The following ABCG5 variants were observed in gnomAD, a reference collection of about 807,000 sequenced individuals.
ABCG5 encodes ATP binding cassette subfamily G member 5.
In ABCG5, 64 loss-of-function variants were observed where a neutral mutation model predicts 64.5. That is an observed-to-expected ratio of 0.99 (90% CI 0.81 to 1.22). ABCG5 has a LOEUF of 1.22. Ranked by LOEUF, ABCG5 falls within the 50% of genes most tolerant of loss-of-function variation. The pLI, the probability that ABCG5 is intolerant of heterozygous loss-of-function variation, is 0.00. For synonymous variants in ABCG5, 385 were observed against 326.3 expected (o/e 1.18, Z -1.94); for missense variants, 908 against 829.5 (o/e 1.09, Z -1.16).
intron 10 of ABCG5, among the ~76,000 whole-genome samples, chr2:43,821,631 C>G (rs1667209657): frequency 6.6e-6 from 1 of 152,130 alleles, no homozygotes; most frequent in African/African-American, 2.4e-5. Context: ...TGGACAATGC[C>G]TATTGCCGCA....
At chr2:43,823,864 G>T in intron 9 of ABCG5, 49 bp downstream of exon 9, 1 of 1,591,680 alleles carries the variant, frequency 6.3e-7, no homozygotes, top group Non-Finnish European at 8.6e-7. Context: ...GCTGGAGAAG[G>T]GAGGTATTTA....
intron 11 of ABCG5, among the ~76,000 whole-genome samples, chr2:43,817,367 C>G (rs931427561): frequency 6.6e-6 from 1 of 152,060 alleles, no homozygotes; most frequent in Admixed American, 6.5e-5. Flanking sequence ...CACCTGTAAT[C>G]CCAGCTATTC....
chr2:43,814,662 A>G (rs1016351090), intron 11 of ABCG5, 73 bp from the exon 12 acceptor site: 4 of 867,902 alleles, frequency 4.6e-6, no homozygotes, highest in Non-Finnish European at 7.5e-6. Flanking sequence ...AAGAAAGGCA[A>G]TCCTTATATT....
intron 11 of ABCG5, among the ~76,000 whole-genome samples, chr2:43,816,764 C>T (rs1428479052): frequency 6.6e-6 from 1 of 152,184 alleles, no homozygotes; most frequent in Non-Finnish European, 1.5e-5. Context: ...ATATCTTATA[C>T]AACAGGATGA....
intron 12 of ABCG5, among the ~76,000 whole-genome samples, 199 bp downstream of exon 12, chr2:43,814,278 C>T (rs1312639580): frequency 2.6e-5 from 4 of 152,118 alleles, no homozygotes; most frequent in African/African-American, 7.2e-5. Flanking sequence ...ACCTGTTGAC[C>T]TTTGACAGGA....
At position 43,828,020 on chromosome 2, in the gene ABCG5, G is replaced by A; in HGVS notation, c.597C>T (p.Arg199=). 6.2e-7 allele frequency: 1 copy of A among 1,614,126 alleles called. No homozygotes were observed. The highest frequency in any genetic ancestry group is 8.5e-7 in the Non-Finnish European group (1 of 1,180,030). ...SLGGISTGER[R]RVSIAAQLLQ... The stretch of plus-strand genomic sequence containing the variant: ...GCAGCTGGGCTGCGATGGAGACCCG[G>A]CGCCGCTCACCCGTGGAAATGCCCC... Residue 199 remains arginine (R), a synonymous_variant, in exon 5 of 13, where the codon CGC becomes CGT. Coordinates refer to ENST00000405322, the MANE Select transcript of ABCG5 (RefSeq NM_022436.3).
chr2:43,831,150 A>G (rs769000980), intron 4 of ABCG5, among the ~76,000 whole-genome samples: 1 of 152,208 alleles, frequency 6.6e-6, no homozygotes, highest in Non-Finnish European at 1.5e-5. Context: ...TTCAACCTGT[A>G]ATCAATACTT....
downstream of ABCG5, among the ~76,000 whole-genome samples, chr2:43,808,997 A>G (rs957985875): frequency 6.8e-6 from 1 of 146,420 alleles, no homozygotes; most frequent in African/African-American, 2.6e-5. Flanking sequence ...ACACACACAC[A>G]CACTTTTTTG....
At chr2:43,823,769 G>C (rs1394529504) in intron 9 of ABCG5, 144 bp downstream of exon 9, 8 of 869,598 alleles carry the variant, frequency 9.2e-6, no homozygotes, top group Non-Finnish European at 1.4e-5. Context: ...CTCAATAGTT[G>C]CCTTTCCCCA....
Position 43,838,105 on chromosome 2 carries a change from G to T in ABCG5, c.144-150C>A. ...TTCAGTCTCTGCGCCCTCCTCTGTA[G>T]AACCTGGCAGATAGCGACTGAGGCT... On this transcript the variant is annotated intron_variant, in intron 1 of 12. Transcript: ENST00000405322. The surrounding 1 kb of genome is among the most constrained non-coding windows in gnomAD (Gnocchi z 4.2). The T allele has an allele frequency of 9.6e-7, 1 of 1,041,590 alleles. No individual in the cohort carries two copies. The allele number at this position is 1,041,590 out of a possible 1,614,324, so 64.5% of individuals were successfully genotyped here.
chr2:43,823,281 A>G (rs963326342), intron 9 of ABCG5, among the ~76,000 whole-genome samples: 30 of 85,856 alleles, frequency 3.5e-4, no homozygotes, highest in Admixed American at 1.3e-3. Context: ...CCCCCACCCC[A>G]CCCCGCCCCC....
At chr2:43,820,372 G>C (rs1030550126) in intron 10 of ABCG5, among the ~76,000 whole-genome samples, 1 of 152,054 alleles carries the variant, frequency 6.6e-6, no homozygotes, top group African/African-American at 2.4e-5. Flanking sequence ...AAATTACTTA[G>C]ACAATGGTCA....
At position 43,820,078 on chromosome 2, in the gene ABCG5, C is replaced by G; in HGVS notation, c.1486G>C (p.Val496Leu). The G allele has an allele frequency of 1.2e-6, 2 of 1,614,074 alleles. No homozygotes were observed. Among genetic ancestry groups the G allele is most frequent in the South Asian group, 2.2e-5 (2 of 91,074 alleles). The change falls in exon 11 of 13, where the codon GTT (valine) becomes CTT (leucine). Residue 496 changes from valine to leucine, a missense_variant. By Grantham distance (32) the Val-to-Leu change is conservative. Coordinates refer to ENST00000405322, the MANE Select transcript of ABCG5 (RefSeq NM_022436.3). ...GCAGAAAAATATCCAAATCGGGCAA[C>G]CTCAGGATGTAAGCCCAGCGTCCTA... is the stretch of plus-strand genomic sequence containing the variant. ...CYWTLGLHPE[V>L]ARFGYFSAAL...
chr2:43,814,427 G>C (rs185564936), intron 12 of ABCG5, 50 bp downstream of exon 12: 2 of 1,165,144 alleles, frequency 1.7e-6, no homozygotes, highest in African/African-American at 1.5e-5. Context: ...CCAAGAAATT[G>C]CTTCCTCAGA....
chr2:43,838,385 G>C lies in ABCG5; in HGVS notation c.143+152C>G. The C allele has an allele frequency of 1.4e-6, 1 of 736,762 alleles. No individual in the cohort carries two copies. The highest frequency in any genetic ancestry group is 2.2e-6 in the Non-Finnish European group (1 of 453,986). The allele number at this position is 736,762 out of a possible 1,614,324, so 45.6% of individuals were successfully genotyped here. On this transcript the variant is annotated intron_variant, in intron 1 of 12. Coordinates refer to ENST00000405322, the MANE Select transcript of ABCG5 (RefSeq NM_022436.3). This position sits in a 1 kb window ranked among gnomAD's most constrained non-coding sequence, Gnocchi z 4.2. ...CTGTCGCTCCATGTTTCCCAGCACA[G>C]CCCTTCTCCCTCTCCTCTCTCCACC... is the stretch of plus-strand genomic sequence containing the variant.
intron 2 of ABCG5, among the ~76,000 whole-genome samples, chr2:43,833,911 T>C (rs978435205): frequency 1.3e-5 from 2 of 151,852 alleles, no homozygotes; most frequent in African/African-American, 4.8e-5. Flanking sequence ...CTTGAACTCC[T>C]GACCACAGGT....
At chr2:43,832,308 G>A (rs1372042468) in intron 2 of ABCG5, 1 of 613,302 alleles carries the variant, frequency 1.6e-6, no homozygotes, top group East Asian at 2.8e-5. Flanking sequence ...TGTCCCCTGA[G>A]TGAGAGGGGA....
chr2:43,838,233 C>T lies in ABCG5; in HGVS notation c.144-278G>A, dbSNP rs892387950. 7 of 594,866 alleles carry T rather than the reference C, an allele frequency of 1.2e-5. No individual in the cohort carries two copies. The highest frequency in any genetic ancestry group is 1.9e-5 in the African/African-American group (1 of 53,776). 36.8% of individuals were successfully genotyped at this position (594,866 alleles called of 1,614,324 possible). A position where few individuals can be genotyped will look rare whatever the true frequency, so the allele number is the denominator to read the frequency against. On this transcript the variant is annotated intron_variant, in intron 1 of 12. Coordinates refer to ENST00000405322, the MANE Select transcript of ABCG5 (RefSeq NM_022436.3). The surrounding 1 kb of genome is among the most constrained non-coding windows in gnomAD (Gnocchi z 4.2). ...TGCATTCTTTCACCAGGTTTCAAGACTCCTTGCATTCGCAGTACCCCCATT... is the reference window on the plus strand; with the variant it reads ...TGCATTCTTTCACCAGGTTTCAAGATTCCTTGCATTCGCAGTACCCCCATT...
intron 11 of ABCG5, among the ~76,000 whole-genome samples, chr2:43,817,050 G>A (rs1666881220): frequency 6.6e-6 from 1 of 152,218 alleles, no homozygotes; most frequent in South Asian, 2.1e-4. Flanking sequence ...TAAATGGAAT[G>A]ACTAGCAGGT....
Sources: allele counts gnomAD v4.1 joint callset (sites outside exome capture counted in the v4.1 genomes callset), GRCh38; gene constraint gnomAD v4.1.1; non-coding constraint Gnocchi (gnomAD v3.1); transcripts MANE v1.5; gene names NCBI Gene and HGNC (gene_info 2026-07-23, HGNC 2026-07-21).